The following PEX5L variants were observed in gnomAD, a reference collection of about 807,000 sequenced individuals.
PEX5L encodes peroxisomal biogenesis factor 5 like.
Under a neutral mutation model 84.0 loss-of-function variants are expected in PEX5L, and 30 were observed. That is an observed-to-expected ratio of 0.36 (90% CI 0.27 to 0.48). The LOEUF is 0.48. PEX5L is among the 20% of genes least tolerant of loss of function. PEX5L has a pLI of 0.99. For missense variants in PEX5L, 533 were observed against 754.6 expected, an observed-to-expected ratio of 0.71 and a Z score of 3.44; for synonymous variants, 270 against 283.1, an observed-to-expected ratio of 0.95 and a Z score of 0.46.
In PEX5L at chr3:180,007,429, C is replaced by T. The variant is rs373005320; in HGVS notation, c.21+29150G>A. ...CTGCGGCTTTTCCAGGCACACAGTGCAAGCTGTCAGTGGATCTACCATTCT... is the reference window on the plus strand; with the variant it reads ...CTGCGGCTTTTCCAGGCACACAGTGTAAGCTGTCAGTGGATCTACCATTCT... On this transcript the variant is annotated intron_variant, in intron 1 of 14. Transcript: ENST00000467460. Among the ~76,000 whole-genome samples, 430 of 152,340 alleles carry T rather than the reference C, an allele frequency of 2.8e-3. 1 individual carries two copies. Among genetic ancestry groups the T allele is most frequent in the African/African-American group, 9.5e-3 (397 of 41,586 alleles).
intron 4 of PEX5L, among the ~76,000 whole-genome samples, chr3:179,885,421 C>T (rs887194061): frequency 1.6e-4 from 25 of 152,078 alleles, no homozygotes; most frequent in Admixed American, 6.5e-4. Context: ...CCAAAGTGGG[C>T]AGATCACAAG....
rs781469483 is a variant in PEX5L, at chr3:179,971,648, T to A, written c.39A>T (p.Gly13=). The change falls in exon 2 of 15, where the codon GGA becomes GGT. Residue 13 remains glycine, a synonymous_variant. Transcript: ENST00000467460. ...CTTCATCACTGCTTAGTTTTCCATATCCTTGTTCTTTACTTTTCTTGTGAA... is the reference window on the plus strand; with the variant it reads ...CTTCATCACTGCTTAGTTTTCCATAACCTTGTTCTTTACTTTTCTTGTGAA... ...QGHMQKSKEQ[G]YGKLSSDEDL... is the part of the protein sequence containing the mutation. 1 of 1,605,014 alleles carries A rather than the reference T, an allele frequency of 6.2e-7. No individual in the cohort carries two copies. The highest frequency in any genetic ancestry group is 1.1e-5 in the South Asian group (1 of 88,852).
intron 8 of PEX5L, among the ~76,000 whole-genome samples, chr3:179,836,261 T>C (rs2109262890): frequency 6.6e-6 from 1 of 152,300 alleles, no homozygotes; most frequent in Non-Finnish European, 1.5e-5. Context: ...ATAACACTTA[T>C]AAAATATTTG....
At chr3:179,815,095 T>G (rs1725520415) in intron 10 of PEX5L, among the ~76,000 whole-genome samples, 1 of 152,242 alleles carries the variant, frequency 6.6e-6, no homozygotes, top group Non-Finnish European at 1.5e-5. Flanking sequence ...TTTTCCCAGA[T>G]AGACCATAAA....
intron 1 of PEX5L, among the ~76,000 whole-genome samples, chr3:180,020,695 A>G (rs1205692548): frequency 6.6e-6 from 1 of 152,080 alleles, no homozygotes; most frequent in Non-Finnish European, 1.5e-5. Flanking sequence ...ACTTGCCTTA[A>G]AAAAAATCAG....
At chr3:179,933,493 C>T (rs748788932) in intron 2 of PEX5L, among the ~76,000 whole-genome samples, 1 of 151,820 alleles carries the variant, frequency 6.6e-6, no homozygotes, top group Non-Finnish European at 1.5e-5. Context: ...ATTTCTATTG[C>T]TAAAAAGCCA....
At chr3:179,954,467 C>T (rs1779992370) in intron 2 of PEX5L, among the ~76,000 whole-genome samples, 1 of 152,156 alleles carries the variant, frequency 6.6e-6, no homozygotes, top group Admixed American at 6.5e-5. Flanking sequence ...AGAATCACCA[C>T]AGAAGAACTG....
In PEX5L at chr3:179,905,013, G is replaced by A. The variant is rs181945537; in HGVS notation, c.94-6767C>T. 1.3e-3 allele frequency among the ~76,000 whole-genome samples: 197 copies of A among 152,302 alleles called. 1 individual carries two copies. Among genetic ancestry groups the A allele is most frequent in the African/African-American group, 4.5e-3 (185 of 41,572 alleles). On this transcript the variant is annotated intron_variant, in intron 2 of 14. Transcript: ENST00000467460. ...TTTGTTAAGGAAATCTTTCCTAACA[G>A]TACTCACAAGCCTTTGAAACAATTT... is the stretch of plus-strand genomic sequence containing the variant.
chr3:179,888,211 G>A (rs1441052674), intron 3 of PEX5L: 1 of 1,273,280 alleles, frequency 7.9e-7, no homozygotes, highest in Non-Finnish European at 1.0e-6. Flanking sequence ...GTGTTTATGT[G>A]GGGAGTGCAA....
intron 1 of PEX5L, among the ~76,000 whole-genome samples, chr3:179,988,894 G>T (rs576645501): frequency 6.6e-6 from 1 of 152,112 alleles, no homozygotes; most frequent in Non-Finnish European, 1.5e-5. Flanking sequence ...AATAAACTTG[G>T]ATATATATTC....
intron 1 of PEX5L, among the ~76,000 whole-genome samples, chr3:179,977,346 T>TG (rs2110309493): frequency 6.6e-6 from 1 of 152,328 alleles, no homozygotes; most frequent in East Asian, 1.9e-4. Flanking sequence ...AGATACATGT[T>TG]GCAGTTTTTA....
chr3:179,914,265 G>A (rs922659757), intron 2 of PEX5L, among the ~76,000 whole-genome samples: 7 of 152,112 alleles, frequency 4.6e-5, no homozygotes, highest in African/African-American at 7.2e-5. Context: ...TGATGTGCAG[G>A]CTCTTCTTCC....
rs567230599 is a variant in PEX5L at position 179,968,236 on chromosome 3, A to T, written c.93+3358T>A. ...TTGTTATCTAGGTCCAGCTTATCAT[A>T]AACCTTGAGTTAAGTTGGCTCTAAC... On this transcript the variant is annotated intron_variant, in intron 2 of 14. Transcript: ENST00000467460. Among the ~76,000 whole-genome samples, 21 of 152,288 alleles carry T rather than the reference A, an allele frequency of 1.4e-4. No individual in the cohort carries two copies. The South Asian group carries it at 4.3e-3, about 32-fold the overall frequency.
intron 7 of PEX5L, among the ~76,000 whole-genome samples, chr3:179,864,172 G>T (rs1453974604): frequency 6.6e-6 from 1 of 151,938 alleles, no homozygotes; most frequent in East Asian, 1.9e-4. Context: ...ATCAGCAGCG[G>T]GAAAACAGAC....
In PEX5L at chr3:180,029,513, G is replaced by A. The variant is rs115067767; in HGVS notation, c.21+7066C>T. ...AAAAACTACAACAAATTGGCTGGTC[G>A]TTATGGAGTCAATATAATGAAGACA... On this transcript the variant is annotated intron_variant, in intron 1 of 14. Coordinates refer to ENST00000467460, the MANE Select transcript of PEX5L (RefSeq NM_016559.3). 4.3e-3 allele frequency among the ~76,000 whole-genome samples: 648 copies of A among 152,280 alleles called. 11 individuals carry two copies. The highest frequency in any genetic ancestry group is 0.015 in the African/African-American group (617 of 41,550).
intron 8 of PEX5L, among the ~76,000 whole-genome samples, chr3:179,839,284 A>T (rs568123283): frequency 1.3e-5 from 2 of 152,330 alleles, no homozygotes; most frequent in East Asian, 3.9e-4. Context: ...CTAGGCTTTT[A>T]TACTGTTTTC....
chr3:179,906,692 C>T (rs909958434), intron 2 of PEX5L, among the ~76,000 whole-genome samples: 60 of 152,208 alleles, frequency 3.9e-4, no homozygotes, highest in African/African-American at 1.4e-3. Context: ...TCAAATATCT[C>T]AGATCATTTG....
Position 179,809,636 on chromosome 3 carries a change from G to A in PEX5L, c.1187C>T (p.Ala396Val), listed in dbSNP as rs758479696. The change falls in exon 12 of 15, where the codon GCT becomes GTT. Residue 396 changes from alanine to valine, a missense_variant. By Grantham distance (64) the Ala-to-Val change is moderately conservative. Transcript: ENST00000467460. ...ATAACTCACAGCCAAGGCCATCAAA[G>A]CTTTTAAGTTGTTGGGCTGTAATTC... ...CLELQPNNLK[A>V]LMALAVSYTN... 6.2e-7 allele frequency: 1 copy of A among 1,611,020 alleles called. No homozygotes were observed. Among genetic ancestry groups the A allele is most frequent in the South Asian group, 1.1e-5 (1 of 90,918 alleles).
chr3:179,972,777 C>A (rs67667466), intron 1 of PEX5L, among the ~76,000 whole-genome samples: 33,505 of 151,426 alleles, frequency 0.22, 3,976 homozygotes, highest in East Asian at 0.51. Flanking sequence ...CAGATTTACA[C>A]ATTTTTTTCC....
Sources: allele counts gnomAD v4.1 joint callset (sites outside exome capture counted in the v4.1 genomes callset), GRCh38; gene constraint gnomAD v4.1.1; transcripts MANE v1.5; gene names NCBI Gene and HGNC (gene_info 2026-07-23, HGNC 2026-07-21).